Variants in KHDRBS2 observed in about 807,000 individuals in gnomAD.
KHDRBS2 encodes the protein KH RNA binding domain containing, signal transduction associated 2.
KHDRBS2 carries 26 observed loss-of-function variants against 44.3 expected under a neutral mutation model. The ratio of observed to expected loss-of-function variants is 0.59; its 90% CI spans 0.43 to 0.81. The LOEUF is 0.81. Ranked by LOEUF, KHDRBS2 falls within the 40% of genes least tolerant of loss-of-function variation. The pLI, the probability that KHDRBS2 is intolerant of heterozygous loss-of-function variation, is 0.00. For missense variants in KHDRBS2, 476 were observed against 433.1 expected, an observed-to-expected ratio of 1.10 and a Z score of -0.88; for synonymous variants, 194 against 151.1, an observed-to-expected ratio of 1.28 and a Z score of -2.08.
At chr6:62,206,834 T>C (rs1340623147) in intron 1 of KHDRBS2, among the ~76,000 whole-genome samples, 2 of 152,108 alleles carry the variant, frequency 1.3e-5, no homozygotes, top group Non-Finnish European at 2.9e-5. Context: ...GAATATTTTG[T>C]TTTTCAGTGC....
chr6:62,168,528 T>C (rs566246100), intron 2 of KHDRBS2, among the ~76,000 whole-genome samples: 2 of 152,258 alleles, frequency 1.3e-5, no homozygotes, highest in South Asian at 4.1e-4. Context: ...TTTGCATGTC[T>C]AGTAGTAACG....
the KHDRBS2 span, among the ~76,000 whole-genome samples, chr6:61,617,198 A>G: frequency 3.3e-5 from 5 of 152,232 alleles, no homozygotes; most frequent in African/African-American, 1.2e-4. Flanking sequence ...ATTTAGAAGC[A>G]TTAAACTAGT....
At chr6:62,163,506 G>C (rs1212304710) in intron 2 of KHDRBS2, among the ~76,000 whole-genome samples, 1 of 151,926 alleles carries the variant, frequency 6.6e-6, no homozygotes, top group Non-Finnish European at 1.5e-5. Context: ...ACATTTAGCC[G>C]TATGACCTAT....
chr6:61,650,628 C>G, the KHDRBS2 span, among the ~76,000 whole-genome samples: 1 of 150,860 alleles, frequency 6.6e-6, no homozygotes, highest in Non-Finnish European at 1.5e-5. Context: ...TTTAATTAGG[C>G]CAAGGATCTA....
Position 62,161,158 on chromosome 6 carries a change from G to A in KHDRBS2, c.219+16027C>T, listed in dbSNP as rs140702863. On this transcript the variant is annotated intron_variant, in intron 2 of 8. Transcript: ENST00000281156. ...CCAGGATTTTCTTTTTTTCACCTTC[G>A]ATCTACTTGTGTCTTTGGATATAAT... 1.1e-3 allele frequency among the ~76,000 whole-genome samples: 163 copies of A among 151,666 alleles called. 1 individual carries two copies. Among genetic ancestry groups the A allele is most frequent in the African/African-American group, 3.7e-3 (152 of 41,400 alleles).
chr6:62,072,976 T>TA (rs1795525874), intron 2 of KHDRBS2, among the ~76,000 whole-genome samples: 1 of 152,020 alleles, frequency 6.6e-6, no homozygotes, highest in Non-Finnish European at 1.5e-5. Context: ...GGTCCTGGAC[T>TA]TTTTTTGGTT....
At chr6:62,062,197 C>A (rs1355489781) in intron 2 of KHDRBS2, among the ~76,000 whole-genome samples, 1 of 149,198 alleles carries the variant, frequency 6.7e-6, no homozygotes, top group South Asian at 2.2e-4. Context: ...TAACACCCCA[C>A]TGTCAACATT....
At chr6:61,861,997 T>C (rs1797053945) in intron 6 of KHDRBS2, among the ~76,000 whole-genome samples, 1 of 152,160 alleles carries the variant, frequency 6.6e-6, no homozygotes, top group Admixed American at 6.5e-5. Context: ...AGTTCATTAA[T>C]GATTTGGTTC....
intron 6 of KHDRBS2, among the ~76,000 whole-genome samples, chr6:61,859,731 G>A (rs555338556): frequency 7.9e-5 from 12 of 151,938 alleles, no homozygotes; most frequent in South Asian, 2.1e-4. Flanking sequence ...GCAAGTGTGC[G>A]TATCAAAATG....
chr6:61,764,981 A>G (rs1582683811), intron 6 of KHDRBS2, among the ~76,000 whole-genome samples: 2 of 152,306 alleles, frequency 1.3e-5, no homozygotes, highest in East Asian at 3.9e-4. Flanking sequence ...TTTTCAAAAA[A>G]TTAGATTACA....
chr6:62,120,299 T>C (rs1431497208), intron 2 of KHDRBS2, among the ~76,000 whole-genome samples: 1 of 152,130 alleles, frequency 6.6e-6, no homozygotes, highest in East Asian at 1.9e-4. Context: ...TTAGTCACTT[T>C]AGATCTACTC....
the KHDRBS2 span, among the ~76,000 whole-genome samples, chr6:61,645,812 T>A: frequency 6.6e-6 from 1 of 152,176 alleles, no homozygotes. Context: ...AATCACTTTT[T>A]AAAAATATAA....
At chr6:62,126,929 T>C (rs1235890561) in intron 2 of KHDRBS2, among the ~76,000 whole-genome samples, 2 of 152,194 alleles carry the variant, frequency 1.3e-5, no homozygotes, top group Non-Finnish European at 2.9e-5. Context: ...ATGTACACCT[T>C]TTAGTAGCTT....
intron 2 of KHDRBS2, among the ~76,000 whole-genome samples, chr6:62,116,314 T>G (rs577571290): frequency 5.3e-5 from 8 of 152,132 alleles, no homozygotes; most frequent in Non-Finnish European, 7.4e-5. Flanking sequence ...CCTGTCTAAC[T>G]GCAACTTGGT....
chr6:61,703,035 A>C (rs1204138), intron 7 of KHDRBS2, among the ~76,000 whole-genome samples: 138,062 of 151,794 alleles, frequency 0.91, 62,919 homozygotes, highest in Non-Finnish European at 0.93. Context: ...TTTTAATTAA[A>C]ATCTCTGTAA....
the KHDRBS2 span, among the ~76,000 whole-genome samples, chr6:61,573,792 GAAAA>G: frequency 7.5e-4 from 110 of 146,034 alleles, no homozygotes; most frequent in African/African-American, 1.7e-3. Context: ...TCTGTCTCAG[GAAAA>G]AAAAAAAAAA....
chr6:61,731,642 T>C (rs1457471478), intron 7 of KHDRBS2, among the ~76,000 whole-genome samples: 2 of 152,132 alleles, frequency 1.3e-5, no homozygotes, highest in African/African-American at 4.8e-5. Context: ...AGGAGGTTTA[T>C]TGCCAATAAA....
Position 61,772,125 on chromosome 6 carries a change from G to A in KHDRBS2, c.811-39361C>T, listed in dbSNP as rs140270542. Among the ~76,000 whole-genome samples, 168 of 152,252 alleles carry A rather than the reference G, an allele frequency of 1.1e-3. 1 individual carries two copies. The East Asian group carries it at 0.027, about 25-fold the overall frequency. On this transcript the variant is annotated intron_variant, in intron 6 of 8. Coordinates refer to ENST00000281156, the MANE Select transcript of KHDRBS2 (RefSeq NM_152688.4). Reference sequence around the variant, plus strand: ...CATAAAGATGTTCTTTGAAACTGACGAGAACAAAGACACAACATTGAACAC... The same window carrying A: ...CATAAAGATGTTCTTTGAAACTGACAAGAACAAAGACACAACATTGAACAC...
intron 2 of KHDRBS2, among the ~76,000 whole-genome samples, chr6:62,099,660 C>T (rs1353877776): frequency 6.6e-6 from 1 of 152,142 alleles, no homozygotes; most frequent in Non-Finnish European, 1.5e-5. Context: ...GTGTCCACTG[C>T]TGTCTCCTTC....
Sources: gnomAD v4.1 joint callset for allele counts (sites outside exome capture counted in the v4.1 genomes callset) on GRCh38, gnomAD v4.1.1 for gene constraint, MANE v1.5 for transcripts, NCBI Gene and HGNC (gene_info 2026-07-23, HGNC 2026-07-21) for gene names.